QTGAL: variants seen among roughly 807,000 people sequenced by gnomAD.
QTGAL encodes the protein queuosine-tRNA galactosyltransferase, also known as BGnT-like protein 1.
At chr17:82,975,121 G>A in the QTGAL span, among the ~76,000 whole-genome samples, 4 of 52,942 alleles carry the variant, frequency 7.6e-5, no homozygotes, top group Non-Finnish European at 6.9e-5. Context: ...GGACAGAGCC[G>A]GACTCCATCC....
At chr17:83,006,574 C>T in the QTGAL span, 2 of 985,456 alleles carry the variant, frequency 2.0e-6, no homozygotes, top group Non-Finnish European at 1.2e-6. This position sits in a 1 kb window ranked among gnomAD's most constrained non-coding sequence, Gnocchi z 5.8. Flanking sequence ...CCGAGGCGCC[C>T]CTTACAGCCA....
At chr17:83,015,863 GC>G in the QTGAL span, among the ~76,000 whole-genome samples, 4 of 152,154 alleles carry the variant, frequency 2.6e-5, no homozygotes, top group East Asian at 5.8e-4. The surrounding 1 kb of genome is among the most constrained non-coding windows in gnomAD (Gnocchi z 4.4). Context: ...CCAAAACCAC[GC>G]CCCCCCACCA....
At chr17:83,017,018 C>G in the QTGAL span, among the ~76,000 whole-genome samples, 4 of 152,314 alleles carry the variant, frequency 2.6e-5, no homozygotes, top group South Asian at 4.1e-4. Context: ...AGAACCAGGG[C>G]CAGGCCAGTT....
chr17:82,944,670 T>G, the QTGAL span: 2 of 152,176 alleles, frequency 1.3e-5, no homozygotes, highest in Non-Finnish European at 2.9e-5. Flanking sequence ...GAAGCCAGTA[T>G]CCCTGGGACC....
At chr17:83,047,719 A>ATAATAAATCCCTG in the QTGAL span, among the ~76,000 whole-genome samples, 1 of 148,926 alleles carries the variant, frequency 6.7e-6, no homozygotes, top group African/African-American at 2.5e-5. Context: ...ATAAATCCCT[A>ATAATAAATCCCTG]CCAAAGAATA....
chr17:82,996,866 CCTAT>C, the QTGAL span, among the ~76,000 whole-genome samples: 1 of 152,108 alleles, frequency 6.6e-6, no homozygotes, highest in African/African-American at 2.4e-5. Context: ...AAATTAGACC[CCTAT>C]CTTTCACCAT....
the QTGAL span, among the ~76,000 whole-genome samples, chr17:82,975,806 TC>T: frequency 9.7e-6 from 1 of 103,000 alleles, no homozygotes; most frequent in Non-Finnish European, 1.9e-5. Context: ...GACTCCATCC[TC>T]CCAGGGGCCG....
chr17:83,029,849 G>A, the QTGAL span, among the ~76,000 whole-genome samples: 4 of 152,160 alleles, frequency 2.6e-5, no homozygotes, highest in African/African-American at 9.7e-5. Flanking sequence ...AAAACCCCCG[G>A]CAAGGCTCTG....
chr17:82,982,316 G>A, the QTGAL span, among the ~76,000 whole-genome samples: 15,780 of 152,252 alleles, frequency 0.1, 923 homozygotes, highest in African/African-American at 0.15. Flanking sequence ...TTTAAAACTC[G>A]TGTGTAAGTG....
At chr17:82,946,316 TAAAG>T in the QTGAL span, among the ~76,000 whole-genome samples, 4 of 152,308 alleles carry the variant, frequency 2.6e-5, no homozygotes, top group East Asian at 3.9e-4. Flanking sequence ...GTTCTCCAGT[TAAAG>T]GAAGGCAAAT....
chr17:83,039,325 G>A, the QTGAL span, among the ~76,000 whole-genome samples: 60 of 41,946 alleles, frequency 1.4e-3, 4 homozygotes, highest in Non-Finnish European at 2.3e-3. Context: ...ACTGCTGGGC[G>A]CCCGCCGCCC....
At chr17:83,009,419 A>G in the QTGAL span, among the ~76,000 whole-genome samples, 1 of 151,860 alleles carries the variant, frequency 6.6e-6, no homozygotes, top group African/African-American at 2.4e-5. Context: ...GCAAGACTCC[A>G]TCTCAAAAAA....
the QTGAL span, among the ~76,000 whole-genome samples, chr17:83,000,219 C>T: frequency 5.0e-4 from 76 of 152,244 alleles, no homozygotes; most frequent in African/African-American, 1.7e-3. Flanking sequence ...CCTTGGCCTC[C>T]GAAAGCGCTG....
At chr17:82,967,157 C>A in the QTGAL span, among the ~76,000 whole-genome samples, 1 of 152,208 alleles carries the variant, frequency 6.6e-6, no homozygotes. Context: ...TGTTTCCAAA[C>A]AACGCCCACA....
the QTGAL span, among the ~76,000 whole-genome samples, chr17:83,045,780 A>G: frequency 2.4e-4 from 36 of 151,690 alleles, no homozygotes; most frequent in South Asian, 1.2e-3. Flanking sequence ...AAATACTTGA[A>G]TAAACATTTC....
At chr17:83,032,948 T>C in the QTGAL span, among the ~76,000 whole-genome samples, 1 of 152,118 alleles carries the variant, frequency 6.6e-6, no homozygotes, top group African/African-American at 2.4e-5. Flanking sequence ...CTTCTGGTGA[T>C]CAAGGAAAAG....
the QTGAL span, among the ~76,000 whole-genome samples, chr17:82,992,816 A>G: frequency 6.6e-6 from 1 of 152,162 alleles, no homozygotes; most frequent in Admixed American, 6.5e-5. Flanking sequence ...AAAGTGGGGG[A>G]CAAAGTTAAG....
the QTGAL span, among the ~76,000 whole-genome samples, chr17:82,997,564 A>T: frequency 5.3e-5 from 8 of 152,234 alleles, no homozygotes; most frequent in African/African-American, 1.9e-4. Flanking sequence ...AAATCAGTAT[A>T]TCAAAGAGTT....
the QTGAL span, among the ~76,000 whole-genome samples, chr17:83,040,053 A>C: frequency 6.6e-6 from 1 of 152,180 alleles, no homozygotes; most frequent in Non-Finnish European, 1.5e-5. Context: ...TCCACTAGAA[A>C]GTGGGGTGAT....
Sources: gnomAD v4.1 joint callset for allele counts (sites outside exome capture counted in the v4.1 genomes callset) on GRCh38, gnomAD v4.1.1 for gene constraint, Gnocchi (gnomAD v3.1) non-coding constraint, MANE v1.5 for transcripts, NCBI Gene and HGNC (gene_info 2026-07-23, HGNC 2026-07-21) for gene names.